The following ROBO2 variants were observed in gnomAD, a reference collection of about 807,000 sequenced individuals.
The protein encoded by ROBO2 is roundabout guidance receptor 2, also known as roundabout homolog 2.
Under a neutral mutation model 160.8 loss-of-function variants are expected in ROBO2, and 53 were observed. The observed-to-expected ratio is 0.33, with a 90% CI of 0.26 to 0.41. The LOEUF is 0.41. Among genes scored for constraint, ROBO2 ranks in the 10% least tolerant of loss-of-function variants. The pLI is 1.00. For missense variants in ROBO2, 1,577 were observed against 1,722.4 expected (o/e 0.92, Z 1.49); for synonymous variants, 664 against 611.7 (o/e 1.09, Z -1.26).
chr3:76,266,118 CA>C (rs1707086253), intron 2 of ROBO2, among the ~76,000 whole-genome samples: 1 of 152,080 alleles, frequency 6.6e-6, no homozygotes, highest in Admixed American at 6.6e-5. Flanking sequence ...GAGACATTTA[CA>C]TTTTTTGTCC....
intron 2 of ROBO2, among the ~76,000 whole-genome samples, chr3:76,742,597 A>T (rs2093820280): frequency 6.6e-6 from 1 of 152,154 alleles, no homozygotes; most frequent in African/African-American, 2.4e-5. Context: ...CTGTAGTATA[A>T]TTTTAAGACT....
intron 2 of ROBO2, among the ~76,000 whole-genome samples, chr3:77,292,107 A>C (rs1295512102): frequency 6.6e-6 from 1 of 151,836 alleles, no homozygotes; most frequent in Non-Finnish European, 1.5e-5. Context: ...TTAAACGGGT[A>C]AGCTGAGGCT....
At chr3:76,992,491 T>C (rs565453038) in intron 2 of ROBO2, among the ~76,000 whole-genome samples, 141 of 151,718 alleles carry the variant, frequency 9.3e-4, no homozygotes, top group African/African-American at 3.1e-3. Context: ...GCCACCCTGG[T>C]AAAAATAGCA....
intron 2 of ROBO2, among the ~76,000 whole-genome samples, chr3:77,460,780 G>A (rs138077930): frequency 0.014 from 2,065 of 152,190 alleles, 21 homozygotes; most frequent in Non-Finnish European, 0.023. Flanking sequence ...TAGATAAGGT[G>A]CAATGGGAGA....
At chr3:76,672,130 T>G (rs750387367) in intron 2 of ROBO2, among the ~76,000 whole-genome samples, 1 of 152,136 alleles carries the variant, frequency 6.6e-6, no homozygotes, top group South Asian at 2.1e-4. Flanking sequence ...GAAATCTTAG[T>G]GAGGGCCAGC....
intron 22 of ROBO2, among the ~76,000 whole-genome samples, chr3:77,620,098 C>T (rs2094869705): frequency 6.6e-6 from 1 of 151,994 alleles, no homozygotes. Context: ...TAGAGGACAC[C>T]CTGTTTCTTC....
At chr3:77,240,414 C>T (rs2088844637) in intron 2 of ROBO2, among the ~76,000 whole-genome samples, 1 of 152,202 alleles carries the variant, frequency 6.6e-6, no homozygotes, top group Non-Finnish European at 1.5e-5. Context: ...ACCCGGAACT[C>T]ACGCTGGCCT....
chr3:76,729,090 G>C (rs1440392324), intron 2 of ROBO2, among the ~76,000 whole-genome samples: 1 of 152,108 alleles, frequency 6.6e-6, no homozygotes, highest in Non-Finnish European at 1.5e-5. Flanking sequence ...ATTTGAGACA[G>C]TTTCAACCCT....
At chr3:76,644,021 T>C (rs1271809267) in intron 2 of ROBO2, among the ~76,000 whole-genome samples, 1 of 152,258 alleles carries the variant, frequency 6.6e-6, no homozygotes, top group Non-Finnish European at 1.5e-5. Flanking sequence ...AATTGTCACA[T>C]AATGGATTGT....
chr3:77,088,010 G>GCT (rs1227373555), intron 1 of ROBO2, among the ~76,000 whole-genome samples: 5 of 152,070 alleles, frequency 3.3e-5, no homozygotes, highest in African/African-American at 9.7e-5. Flanking sequence ...GGGTGCTGAG[G>GCT]CTCTACCTGT....
intron 2 of ROBO2, among the ~76,000 whole-genome samples, chr3:76,222,153 C>T (rs1198814675): frequency 1.3e-5 from 2 of 152,102 alleles, no homozygotes; most frequent in Non-Finnish European, 2.9e-5. Flanking sequence ...CCACCTGTTA[C>T]TGGTGGAATG....
chr3:76,373,827 C>G (rs1212404242), intron 2 of ROBO2, among the ~76,000 whole-genome samples: 2 of 151,906 alleles, frequency 1.3e-5, no homozygotes, highest in African/African-American at 4.8e-5. Flanking sequence ...TCAGACTAAG[C>G]TGATCGTTGC....
intron 2 of ROBO2, among the ~76,000 whole-genome samples, chr3:75,986,697 T>C (rs941378996): frequency 4.0e-5 from 6 of 151,768 alleles, no homozygotes; most frequent in Non-Finnish European, 8.9e-5. Context: ...TTTAGGTCTT[T>C]GATTAATTTT....
At chr3:76,445,106 A>C (rs988714723) in intron 2 of ROBO2, among the ~76,000 whole-genome samples, 1 of 152,178 alleles carries the variant, frequency 6.6e-6, no homozygotes, top group Non-Finnish European at 1.5e-5. Context: ...ACTACAGTTT[A>C]CTAGCAAAAG....
intron 2 of ROBO2, among the ~76,000 whole-genome samples, chr3:77,253,259 A>C (rs966829516): frequency 2.0e-5 from 3 of 152,194 alleles, no homozygotes; most frequent in African/African-American, 7.2e-5. Context: ...ACTTTTAAAA[A>C]ATGGATTTAG....
chr3:76,195,294 T>G (rs936184362), intron 2 of ROBO2, among the ~76,000 whole-genome samples: 1 of 152,144 alleles, frequency 6.6e-6, no homozygotes, highest in African/African-American at 2.4e-5. Context: ...GTTAAGCCAT[T>G]ATAAAATTCT....
At chr3:76,358,365 A>G (rs1279565508) in intron 2 of ROBO2, among the ~76,000 whole-genome samples, 1 of 151,926 alleles carries the variant, frequency 6.6e-6, no homozygotes, top group Non-Finnish European at 1.5e-5. Context: ...TCCCTGTCTC[A>G]TCTAGTGAGT....
At chr3:76,285,761 C>A (rs1476514799) in intron 2 of ROBO2, among the ~76,000 whole-genome samples, 1 of 152,028 alleles carries the variant, frequency 6.6e-6, no homozygotes, top group Non-Finnish European at 1.5e-5. Flanking sequence ...CGAATTTAAC[C>A]TTTCTCCAAA....
chr3:77,433,485 TG>T (rs2153543957), intron 2 of ROBO2, among the ~76,000 whole-genome samples: 1 of 77,248 alleles, frequency 1.3e-5, no homozygotes, highest in Non-Finnish European at 2.3e-5. Flanking sequence ...TCTGGCAACT[TG>T]TATATATATA....
Sources: allele counts gnomAD v4.1 joint callset (sites outside exome capture counted in the v4.1 genomes callset), GRCh38; gene constraint gnomAD v4.1.1; transcripts MANE v1.5; gene names NCBI Gene and HGNC (gene_info 2026-07-23, HGNC 2026-07-21).